Variants in ANO2 observed in about 807,000 individuals in gnomAD.
ANO2 encodes the protein anoctamin 2.
Under a neutral mutation model 124.2 loss-of-function variants are expected in ANO2, and 101 were observed. That is an observed-to-expected ratio of 0.81 (90% CI 0.69 to 0.96). The LOEUF (loss-of-function observed/expected upper bound fraction) is 0.96. Among genes scored for constraint, ANO2 ranks in the 40% least tolerant of loss-of-function variants. The probability of loss-of-function intolerance (pLI) is 0.00; values close to 1 mark genes in which losing one functional copy is unlikely to be tolerated. For synonymous variants in ANO2, 486 were observed against 482.5 expected (o/e 1.01, Z -0.09); for missense variants, 1,293 against 1,274.5 (o/e 1.01, Z -0.22).
intron 14 of ANO2, among the ~76,000 whole-genome samples, chr12:5,697,538 G>A (rs928693318): frequency 2.0e-5 from 3 of 152,252 alleles, no homozygotes; most frequent in African/African-American, 4.8e-5. Flanking sequence ...CGATGCAGAA[G>A]ACGGATGATT....
At chr12:5,847,933 T>C (rs949894605) in intron 4 of ANO2, among the ~76,000 whole-genome samples, 1 of 152,236 alleles carries the variant, frequency 6.6e-6, no homozygotes. Context: ...TTTCAAAACA[T>C]GGGTTCAACC....
chr12:5,899,619 T>G (rs1457971993), intron 3 of ANO2, among the ~76,000 whole-genome samples: 1 of 152,220 alleles, frequency 6.6e-6, no homozygotes, highest in Non-Finnish European at 1.5e-5. Flanking sequence ...CTCCTCTCCT[T>G]TCCCTAGGGA....
chr12:5,569,619 C>T (rs1471266491), intron 23 of ANO2, among the ~76,000 whole-genome samples: 1 of 152,162 alleles, frequency 6.6e-6, no homozygotes, highest in East Asian at 1.9e-4. Flanking sequence ...CATTTCCGAA[C>T]CTAGGTCCCT....
At chr12:5,709,474 C>T (rs964207965) in intron 14 of ANO2, among the ~76,000 whole-genome samples, 2 of 152,206 alleles carry the variant, frequency 1.3e-5, no homozygotes, top group African/African-American at 2.4e-5. Context: ...TCAACTCCTT[C>T]TAAGTACTTA....
chr12:5,602,769 C>T (rs4930765), intron 19 of ANO2, among the ~76,000 whole-genome samples: 94,885 of 151,900 alleles, frequency 0.62, 29,904 homozygotes, highest in Admixed American at 0.72. Context: ...TAAAAGCTTC[C>T]AGATCCAGAG....
intron 14 of ANO2, among the ~76,000 whole-genome samples, chr12:5,662,803 C>T (rs759628403): frequency 3.3e-5 from 5 of 152,244 alleles, no homozygotes; most frequent in Non-Finnish European, 7.4e-5. Context: ...GTGGTTAGTT[C>T]TTCTTCTTTA....
At chr12:5,930,312 G>A (rs1461291414) in intron 1 of ANO2, among the ~76,000 whole-genome samples, 2 of 152,164 alleles carry the variant, frequency 1.3e-5, no homozygotes, top group Non-Finnish European at 1.5e-5. Context: ...GTGAAATACT[G>A]CACGTATATC....
At chr12:5,616,582 G>T (rs1312622242) in intron 16 of ANO2, among the ~76,000 whole-genome samples, 3 of 152,172 alleles carry the variant, frequency 2.0e-5, no homozygotes, top group Non-Finnish European at 4.4e-5. Flanking sequence ...GCCTGAAAGT[G>T]GACTAAGCAC....
intron 7 of ANO2, among the ~76,000 whole-genome samples, chr12:5,827,145 A>T (rs549512455): frequency 6.6e-6 from 1 of 152,280 alleles, no homozygotes; most frequent in African/African-American, 2.4e-5. Flanking sequence ...CTTCCACACA[A>T]TCCGTCAGGA....
In ANO2 at chr12:5,908,481, G is replaced by A. The variant is rs899307512; in HGVS notation, c.534+12559C>T. 6.6e-6 allele frequency among the ~76,000 whole-genome samples: 1 copy of A among 152,220 alleles called. No homozygotes were observed. The highest frequency in any genetic ancestry group is 2.4e-5 in the African/African-American group (1 of 41,452). On this transcript the variant is annotated intron_variant, in intron 3 of 24. Coordinates refer to ENST00000682330, the MANE Select transcript of ANO2 (RefSeq NM_001364791.2). The surrounding 1 kb of genome is among the most constrained non-coding windows in gnomAD (Gnocchi z 4.7). ...GTCCGACTGCCCAGGGTGCTGGGCTGGACAGAAAGTCCAACTGCTGGCCAC... is the reference window on the plus strand; with the variant it reads ...GTCCGACTGCCCAGGGTGCTGGGCTAGACAGAAAGTCCAACTGCTGGCCAC...
At chr12:5,907,268 T>C (rs923411383) in intron 3 of ANO2, among the ~76,000 whole-genome samples, 2 of 152,242 alleles carry the variant, frequency 1.3e-5, no homozygotes, top group Non-Finnish European at 2.9e-5. Flanking sequence ...TGATAGAATG[T>C]TTCCCTTTAA....
rs576706048 is a variant in ANO2 at position 5,875,192 on chromosome 12, T to C, written c.535-21051A>G. Among the ~76,000 whole-genome samples, 10 of 152,304 alleles carry C rather than the reference T, an allele frequency of 6.6e-5. 1 individual carries two copies. Among genetic ancestry groups the C allele is most frequent in the African/African-American group, 1.9e-4 (8 of 41,562 alleles). ...GATACTGTGCCTTATATATAATAGG[T>C]GTCCAATAAATGCTTGTCCTCTTAA... is the stretch of plus-strand genomic sequence containing the variant. On this transcript the variant is annotated intron_variant, in intron 3 of 24. Coordinates refer to ENST00000682330, the MANE Select transcript of ANO2 (RefSeq NM_001364791.2).
In ANO2 at chr12:5,651,705, A is replaced by G. The variant is rs116090180; in HGVS notation, c.1546-3904T>C. Among the ~76,000 whole-genome samples the G allele has an allele frequency of 3.1e-3, 474 of 152,346 alleles. 4 individuals are homozygous for G. The highest frequency in any genetic ancestry group is 0.011 in the African/African-American group (449 of 41,580). On this transcript the variant is annotated intron_variant, in intron 14 of 24. Transcript: ENST00000682330. ...ACGACCACAATCAAGACATAGAACA[A>G]TACCATCACTTCCCATTATTCTCCC...
intron 19 of ANO2, among the ~76,000 whole-genome samples, chr12:5,605,663 G>A (rs889498854): frequency 6.6e-6 from 1 of 152,176 alleles, no homozygotes; most frequent in African/African-American, 2.4e-5. Context: ...ATAGCAAAGA[G>A]TTGGGCTGTG....
chr12:5,701,511 C>G (rs1259778938), intron 14 of ANO2, among the ~76,000 whole-genome samples: 1 of 152,174 alleles, frequency 6.6e-6, no homozygotes, highest in East Asian at 1.9e-4. Context: ...TCCCCTCCTT[C>G]ATTCAAGTCC....
chr12:5,874,131 G>C (rs756811090), intron 3 of ANO2, among the ~76,000 whole-genome samples: 1 of 152,196 alleles, frequency 6.6e-6, no homozygotes, highest in Non-Finnish European at 1.5e-5. Context: ...AATCATAAAA[G>C]AGGCTAGGAA....
intron 20 of ANO2, among the ~76,000 whole-genome samples, chr12:5,588,425 G>A (rs914015129): frequency 1.3e-5 from 2 of 152,200 alleles, no homozygotes; most frequent in Non-Finnish European, 2.9e-5. Context: ...CCGTGGAATG[G>A]TCTGGAAAGT....
intron 14 of ANO2, among the ~76,000 whole-genome samples, chr12:5,659,424 C>A (rs1241497153): frequency 6.6e-6 from 1 of 152,134 alleles, no homozygotes; most frequent in Non-Finnish European, 1.5e-5. Context: ...AGGTCCCACC[C>A]CTCAGCCCCG....
chr12:5,942,575 G>A (rs1942938622), intron 1 of ANO2, among the ~76,000 whole-genome samples: 1 of 152,166 alleles, frequency 6.6e-6, no homozygotes, highest in African/African-American at 2.4e-5. Flanking sequence ...AACCTGGCTG[G>A]CTCTTACCTC....
Sources: allele counts gnomAD v4.1 joint callset (sites outside exome capture counted in the v4.1 genomes callset), GRCh38; gene constraint gnomAD v4.1.1; non-coding constraint Gnocchi (gnomAD v3.1); transcripts MANE v1.5; gene names NCBI Gene and HGNC (gene_info 2026-07-23, HGNC 2026-07-21).